Variants in SSBP2 observed in about 807,000 individuals in gnomAD.
SSBP2 encodes single-stranded DNA-binding protein 2.
A neutral mutation model predicts 61.8 loss-of-function variants in SSBP2; 17 were observed. The ratio of observed to expected loss-of-function variants is 0.28; its 90% confidence interval spans 0.19 to 0.41. The LOEUF is 0.41. Ranked by LOEUF, SSBP2 falls within the 10% of genes least tolerant of loss-of-function variation. The probability of loss-of-function intolerance (pLI) is 1.00; values close to 1 mark genes in which losing one functional copy is unlikely to be tolerated. For synonymous variants in SSBP2, 139 were observed against 141.3 expected (o/e 0.98, Z 0.12); for missense variants, 310 against 458.7 (o/e 0.68, Z 2.96).
chr5:81,700,165 T>C (rs1753878643), intron 1 of SSBP2, among the ~76,000 whole-genome samples: 1 of 152,138 alleles, frequency 6.6e-6, no homozygotes. Context: ...ATTTCTTAAT[T>C]AAGACCTGAA....
chr5:81,751,120 T>G, upstream of SSBP2: 1 of 1,461,908 alleles, frequency 6.8e-7, no homozygotes. Flanking sequence ...CCCGTCCCCA[T>G]GGCGACCCAC....
intron 4 of SSBP2, among the ~76,000 whole-genome samples, chr5:81,590,551 T>A (rs934435489): frequency 3.3e-5 from 5 of 152,200 alleles, no homozygotes; most frequent in South Asian, 4.1e-4. Flanking sequence ...GAAACTAGCA[T>A]GAGAATACAA....
chr5:81,640,539 C>T (rs1252686018), intron 2 of SSBP2, among the ~76,000 whole-genome samples: 1 of 151,966 alleles, frequency 6.6e-6, no homozygotes, highest in African/African-American at 2.4e-5. Flanking sequence ...TGTATGCCAT[C>T]TTTTATCTGA....
intron 10 of SSBP2, among the ~76,000 whole-genome samples, chr5:81,453,588 C>A (rs905605548): frequency 6.6e-6 from 1 of 151,608 alleles, no homozygotes; most frequent in South Asian, 2.1e-4. Context: ...TCCCGAGTAG[C>A]TGGGACTACA....
At chr5:81,461,362 A>G (rs1051840234) in intron 9 of SSBP2, among the ~76,000 whole-genome samples, 1 of 152,214 alleles carries the variant, frequency 6.6e-6, no homozygotes, top group Admixed American at 6.5e-5. Flanking sequence ...TGTTATAAAG[A>G]TGGTAACTGC....
At chr5:81,473,585 C>A (rs570433346) in intron 8 of SSBP2, 115 bp downstream of exon 8, 4 of 886,844 alleles carry the variant, frequency 4.5e-6, no homozygotes, top group Non-Finnish European at 7.2e-6. Context: ...CTTTTTATGG[C>A]TGCATAGTAT....
At chr5:81,646,569 C>A (rs971790209) in intron 2 of SSBP2, among the ~76,000 whole-genome samples, 7 of 151,148 alleles carry the variant, frequency 4.6e-5, no homozygotes, top group African/African-American at 1.5e-4. Context: ...AGAAAGCAAC[C>A]CTCAACATAA....
chr5:81,478,413 T>G (rs1765741132), intron 6 of SSBP2, among the ~76,000 whole-genome samples: 1 of 152,132 alleles, frequency 6.6e-6, no homozygotes, highest in African/African-American at 2.4e-5. Context: ...CAATCTCACC[T>G]CACTGCAACT....
At chr5:81,546,546 T>C (rs958855229) in intron 4 of SSBP2, among the ~76,000 whole-genome samples, 1 of 152,164 alleles carries the variant, frequency 6.6e-6, no homozygotes, top group Non-Finnish European at 1.5e-5. Flanking sequence ...AGATTTAGTC[T>C]TTTTAAGGCT....
intron 1 of SSBP2, among the ~76,000 whole-genome samples, chr5:81,653,478 G>C (rs1336827778): frequency 6.6e-6 from 1 of 152,154 alleles, no homozygotes; most frequent in African/African-American, 2.4e-5. Context: ...TGGGATTGCT[G>C]GGTCAAATGG....
At chr5:81,501,266 T>C (rs367887128) in intron 5 of SSBP2, among the ~76,000 whole-genome samples, 4,409 of 36,828 alleles carry the variant, frequency 0.12, 743 homozygotes, top group African/African-American at 0.44. Flanking sequence ...TATATATATA[T>C]ATACACACAC....
chr5:81,720,063 C>T (rs1474062158), intron 1 of SSBP2, among the ~76,000 whole-genome samples: 1 of 152,004 alleles, frequency 6.6e-6, no homozygotes, highest in Non-Finnish European at 1.5e-5. Context: ...TGCCCGCAAG[C>T]CAGCAAGGCC....
In SSBP2 at chr5:81,642,202, T is replaced by C. The variant is rs563704871; in HGVS notation, c.136-5584A>G. On this transcript the variant is annotated intron_variant, in intron 2 of 16. Transcript: ENST00000320672. ...GAGGTATTTTCTGTTGTATTGAGTT[T>C]CGTGGGCTTCAGGCCTATTTAGGTT... 5.3e-5 allele frequency among the ~76,000 whole-genome samples: 8 copies of C among 152,338 alleles called. No individual in the cohort carries two copies. In the East Asian group the frequency reaches 1.5e-3, roughly 29 times the overall value.
At chr5:81,500,751 G>A (rs1580847815) in intron 5 of SSBP2, among the ~76,000 whole-genome samples, 2 of 152,060 alleles carry the variant, frequency 1.3e-5, no homozygotes, top group South Asian at 2.1e-4. Flanking sequence ...CAGCCACTGT[G>A]CCCAGCCCAG....
chr5:81,531,655 T>C (rs1367314728), intron 4 of SSBP2, among the ~76,000 whole-genome samples: 2 of 152,056 alleles, frequency 1.3e-5, no homozygotes, highest in East Asian at 3.9e-4. Context: ...ACAGAGGAAA[T>C]GGCTGTAGAC....
At chr5:81,438,776 G>T (rs1436789562) in intron 14 of SSBP2, among the ~76,000 whole-genome samples, 1 of 152,064 alleles carries the variant, frequency 6.6e-6, no homozygotes, top group African/African-American at 2.4e-5. Flanking sequence ...TAACAATATT[G>T]CAAAGTGAAT....
At position 81,461,036 on chromosome 5, in the gene SSBP2, A is replaced by AAT. The variant is rs111987789; in HGVS notation, c.687+17_687+18dup. The AAT allele has an allele frequency of 9.6e-5, 124 of 1,292,992 alleles. No individual in the cohort carries two copies. The highest frequency in any genetic ancestry group is 1.8e-4 in the East Asian group (6 of 33,864). The allele number at this position is 1,292,992 out of a possible 1,614,324, so 80.1% of individuals were successfully genotyped here. A position where few individuals can be genotyped will look rare whatever the true frequency, so the allele number is the denominator to read the frequency against. On this transcript the variant is annotated intron_variant, in intron 10 of 16. Transcript: ENST00000320672. ...TTACAAAATGCAAAATATTAAAAAA[A>AAT]ATATATATATATACTCACTGAATTG...
At chr5:81,733,588 G>A (rs1756406616) in intron 1 of SSBP2, among the ~76,000 whole-genome samples, 1 of 152,084 alleles carries the variant, frequency 6.6e-6, no homozygotes. Flanking sequence ...AACAGCCCCA[G>A]GAATTGTTGT....
At chr5:81,701,605 C>T (rs753392321) in intron 1 of SSBP2, among the ~76,000 whole-genome samples, 9 of 152,186 alleles carry the variant, frequency 5.9e-5, no homozygotes, top group Non-Finnish European at 1.0e-4. Flanking sequence ...AATTATCCCA[C>T]TAAAGATGTC....
Sources: allele counts gnomAD v4.1 joint callset (sites outside exome capture counted in the v4.1 genomes callset), GRCh38; gene constraint gnomAD v4.1.1; transcripts MANE v1.5; gene names NCBI Gene and HGNC (gene_info 2026-07-23, HGNC 2026-07-21).